Variants in CALN1 observed in about 807,000 individuals in gnomAD.
The protein encoded by CALN1 is calcium-binding protein 8.
In CALN1, 17 loss-of-function variants were observed where a neutral mutation model predicts 30.6. The ratio of observed to expected loss-of-function variants is 0.56; its 90% CI spans 0.38 to 0.83. The LOEUF (loss-of-function observed/expected upper bound fraction) is 0.83. CALN1 is among the 40% of genes least tolerant of loss of function. The probability of loss-of-function intolerance (pLI) is 0.00; values close to 1 mark genes in which losing one functional copy is unlikely to be tolerated. For synonymous variants in CALN1, 156 were observed against 131.4 expected (o/e 1.19, Z -1.28); for missense variants, 291 against 354.9 (o/e 0.82, Z 1.45).
chr7:71,812,664 G>C (rs888246141), intron 5 of CALN1, among the ~76,000 whole-genome samples: 1 of 152,132 alleles, frequency 6.6e-6, no homozygotes, highest in Non-Finnish European at 1.5e-5. Context: ...AGCATTGAAA[G>C]AAGCAATTGT....
At chr7:71,836,959 AG>A (rs1157098495) in intron 5 of CALN1, among the ~76,000 whole-genome samples, 1 of 146,750 alleles carries the variant, frequency 6.8e-6, no homozygotes, top group African/African-American at 2.5e-5. Flanking sequence ...TGGCCAGGCA[AG>A]GTGGCTCCTG....
chr7:72,429,314 A>T (rs1807898922), intron 1 of CALN1, among the ~76,000 whole-genome samples: 2 of 152,190 alleles, frequency 1.3e-5, no homozygotes, highest in Non-Finnish European at 2.9e-5. Context: ...TCAGAGCAGG[A>T]CCTTATTGGT....
chr7:72,186,153 G>A (rs574743095), intron 3 of CALN1, among the ~76,000 whole-genome samples: 1 of 152,158 alleles, frequency 6.6e-6, no homozygotes, highest in Non-Finnish European at 1.5e-5. Context: ...GCAAGGAAAG[G>A]ATTCTCCACT....
At chr7:72,111,949 C>T (rs1220030086) in intron 3 of CALN1, among the ~76,000 whole-genome samples, 2 of 152,096 alleles carry the variant, frequency 1.3e-5, no homozygotes, top group African/African-American at 4.8e-5. Flanking sequence ...CGGTGTTTCA[C>T]TATGTCAGCC....
chr7:72,349,282 TTGTGTGTGTG>T (rs3032183), intron 2 of CALN1, among the ~76,000 whole-genome samples: 3,432 of 147,828 alleles, frequency 0.023, 52 homozygotes, highest in African/African-American at 0.042. Context: ...ACACGCGTGC[TTGTGTGTGTG>T]TGTGTGTGTG....
At chr7:72,140,239 C>A (rs899001882) in intron 3 of CALN1, among the ~76,000 whole-genome samples, 1 of 150,252 alleles carries the variant, frequency 6.7e-6, no homozygotes. Flanking sequence ...CAACTTCACT[C>A]CAGCCTGGGT....
chr7:72,051,365 T>C (rs1802827756), intron 4 of CALN1, among the ~76,000 whole-genome samples: 2 of 152,288 alleles, frequency 1.3e-5, no homozygotes, highest in African/African-American at 2.4e-5. Context: ...TTCAAATTTT[T>C]TGTGAAACTA....
chr7:72,149,460 G>A (rs1787046985), intron 3 of CALN1, among the ~76,000 whole-genome samples: 2 of 152,024 alleles, frequency 1.3e-5, no homozygotes, highest in Admixed American at 1.3e-4. Context: ...GAGTGAGACT[G>A]TGTCTCCAAA....
intron 3 of CALN1, among the ~76,000 whole-genome samples, chr7:72,263,569 A>C (rs1039891798): frequency 2.6e-5 from 4 of 151,526 alleles, no homozygotes; most frequent in Non-Finnish European, 5.9e-5. Context: ...CTAACTTTTT[A>C]ATTTTTTGTA....
Position 72,359,976 on chromosome 7 carries a change from C to CAAAAAAAAAAAAAAAAAAAA in CALN1, c.119+43274_119+43275insTTTTTTTTTTTTTTTTTTTT, listed in dbSNP as rs750054515. On this transcript the variant is annotated intron_variant, in intron 2 of 6. Transcript: ENST00000395275. The stretch of plus-strand genomic sequence containing the variant: ...TGGGTGACAGAGTGAGACTCCATCT[C>CAAAAAAAAAAAAAAAAAAAA]AAAAAAAAAAAAAAACCAAAGTTGA... Among the ~76,000 whole-genome samples the CAAAAAAAAAAAAAAAAAAAA allele has an allele frequency of 1.8e-3, 118 of 63,914 alleles. 14 individuals carry two copies. The highest frequency in any genetic ancestry group is 9.5e-3 in the African/African-American group (110 of 11,638). The allele number at this position is 63,914 out of a possible 152,430, so 41.9% of individuals were successfully genotyped here. A position where few individuals can be genotyped will look rare whatever the true frequency, so the allele number is the denominator to read the frequency against.
At chr7:71,951,420 G>A (rs901607318) in intron 5 of CALN1, among the ~76,000 whole-genome samples, 5 of 152,020 alleles carry the variant, frequency 3.3e-5, no homozygotes, top group Non-Finnish European at 5.9e-5. Context: ...GTGAAACCCC[G>A]TCTCTACTAA....
intron 5 of CALN1, among the ~76,000 whole-genome samples, chr7:71,819,538 G>A (rs895592626): frequency 1.3e-5 from 2 of 152,148 alleles, no homozygotes; most frequent in Non-Finnish European, 2.9e-5. Context: ...GTGGCATTAA[G>A]TACTTTCACA....
At chr7:72,157,019 T>C (rs1787735929) in intron 3 of CALN1, among the ~76,000 whole-genome samples, 1 of 152,148 alleles carries the variant, frequency 6.6e-6, no homozygotes, top group Non-Finnish European at 1.5e-5. Flanking sequence ...GCTCATGAAA[T>C]GACATAAACG....
At chr7:72,237,231 G>A (rs530863151) in intron 3 of CALN1, among the ~76,000 whole-genome samples, 13 of 152,062 alleles carry the variant, frequency 8.5e-5, no homozygotes, top group Non-Finnish European at 1.3e-4. Flanking sequence ...TGATCCGCCC[G>A]GCTCAGCCTC....
At chr7:72,261,788 T>C (rs1175676794) in intron 3 of CALN1, among the ~76,000 whole-genome samples, 1 of 152,060 alleles carries the variant, frequency 6.6e-6, no homozygotes, top group Non-Finnish European at 1.5e-5. Flanking sequence ...ACCATCACCA[T>C]AAAACTTTAG....
intron 5 of CALN1, among the ~76,000 whole-genome samples, chr7:71,833,573 TAAAGAAAAA>T (rs147152029): frequency 0.19 from 17,982 of 97,070 alleles, 1,379 homozygotes; most frequent in Non-Finnish European, 0.24. Flanking sequence ...TATAACATGG[TAAAGAAAAA>T]AAAAAAAAAG....
At chr7:72,131,387 G>T (rs1041503699) in intron 3 of CALN1, among the ~76,000 whole-genome samples, 1 of 152,154 alleles carries the variant, frequency 6.6e-6, no homozygotes, top group Non-Finnish European at 1.5e-5. Context: ...ATTCAGCACT[G>T]AAACGGTGCC....
chr7:72,315,391 T>A (rs183135242), intron 2 of CALN1, among the ~76,000 whole-genome samples: 126 of 152,262 alleles, frequency 8.3e-4, no homozygotes, highest in Non-Finnish European at 1.7e-3. Context: ...AAAACGTATG[T>A]GCTCACTTAT....
chr7:72,134,967 G>C (rs1210804565), intron 3 of CALN1, among the ~76,000 whole-genome samples: 1 of 152,182 alleles, frequency 6.6e-6, no homozygotes, highest in East Asian at 1.9e-4. Flanking sequence ...TGTTTACAAA[G>C]CATCTTTACC....
Sources: gnomAD v4.1 joint callset for allele counts (sites outside exome capture counted in the v4.1 genomes callset) on GRCh38, gnomAD v4.1.1 for gene constraint, MANE v1.5 for transcripts, NCBI Gene and HGNC (gene_info 2026-07-23, HGNC 2026-07-21) for gene names.